The following USE1 variants were observed in gnomAD, a reference collection of about 807,000 sequenced individuals.
The protein encoded by USE1 is unconventional SNARE in the ER 1, also known as vesicle transport protein USE1.
Under a neutral mutation model 37.6 loss-of-function variants are expected in USE1, and 32 were observed. The ratio of observed to expected loss-of-function variants is 0.85; its 90% CI spans 0.64 to 1.14. USE1 has a LOEUF of 1.14. Ranked by LOEUF, USE1 falls within the 50% of genes most tolerant of loss-of-function variation. The pLI, the probability that USE1 is intolerant of heterozygous loss-of-function variation, is 0.00. For missense variants in USE1, 310 were observed against 332.2 expected, an observed-to-expected ratio of 0.93 and a Z score of 0.52; for synonymous variants, 149 against 137.6, an observed-to-expected ratio of 1.08 and a Z score of -0.58.
intron 7 of USE1, 109 bp downstream of exon 7, chr19:17,219,496 A>G (rs1183225343): frequency 4.2e-6 from 6 of 1,438,552 alleles, no homozygotes; most frequent in Non-Finnish European, 5.6e-6. Context: ...GGAGTTTCGT[A>G]GAAGGCAAAA....
At position 17,216,321 on chromosome 19, in the gene USE1, G is replaced by A. The variant is rs781274976; in HGVS notation, c.384G>A (p.Thr128=). The A allele has an allele frequency of 3.7e-6, 6 of 1,609,278 alleles. No homozygotes were observed. In the Admixed American group the frequency reaches 5.0e-5, roughly 13 times the overall value. ...TSEMRSELLG[T]DSAEPEMDVR... The stretch of plus-strand genomic sequence containing the variant: ...AGATGCGGAGTGAGCTACTAGGCAC[G>A]GTAGGGCTCCTTCCCTGGTCCCTGG... Residue 128 remains threonine (T), a splice_region_variant and synonymous_variant, in exon 4 of 8, where the codon ACG becomes ACA. Coordinates refer to ENST00000263897, the MANE Select transcript of USE1 (RefSeq NM_018467.4).
chr19:17,219,558 C>A, intron 7 of USE1, 73 bp from the exon 8 acceptor site: 1 of 1,508,234 alleles, frequency 6.6e-7, no homozygotes, highest in Non-Finnish European at 8.9e-7. Flanking sequence ...GAGGTGCAGG[C>A]CAGTCCCAGG....
chr19:17,215,379 G>T lies in USE1; in HGVS notation c.-27G>T. 1 of 1,548,192 alleles carries T rather than the reference G, an allele frequency of 6.5e-7. No homozygotes were observed. Among genetic ancestry groups the T allele is most frequent in the Non-Finnish European group, 8.7e-7 (1 of 1,147,074 alleles). On this transcript the variant is annotated 5_prime_UTR_variant, in exon 1 of 8. An upstream open reading frame in the 5' UTR gains an earlier in-frame stop. Coordinates refer to ENST00000263897, the MANE Select transcript of USE1 (RefSeq NM_018467.4). ...GCCCTCTCTTAACATGGAGCCGGCG[G>T]AAGGGGTGGTGTAGGGCCGGGCGAT...
Position 17,219,334 on chromosome 19 carries a change from A to C in USE1, c.544A>C (p.Ser182Arg), listed in dbSNP as rs1433805996. The C allele has an allele frequency of 6.3e-7, 1 of 1,596,356 alleles. No individual in the cohort carries two copies. Among genetic ancestry groups the C allele is most frequent in the East Asian group, 2.3e-5 (1 of 43,896 alleles). Reference protein sequence around the residue: ...LAEEMLGLARSLKTNTLAAQS... With the variant: ...LAEEMLGLARRLKTNTLAAQS... Reference sequence around the variant, plus strand: ...GGAAGAGATGCTAGGACTGGCCCGGAGCCTCAAGACCAATACCCTGGCCGC... The same window carrying C: ...GGAAGAGATGCTAGGACTGGCCCGGCGCCTCAAGACCAATACCCTGGCCGC... The change falls in exon 7 of 8, where the codon AGC (serine) becomes CGC (arginine). Residue 182 changes from serine to arginine, a missense_variant. Transcript: ENST00000263897.
intron 5 of USE1, 68 bp downstream of exon 5, chr19:17,217,530 C>T: frequency 1.3e-6 from 2 of 1,584,022 alleles, no homozygotes; most frequent in South Asian, 1.1e-5. Flanking sequence ...ATCCTTGCTG[C>T]CCCGGGGCCT....
chr19:17,217,366 C>A, intron 4 of USE1, 87 bp from the exon 5 acceptor site: 1 of 1,475,624 alleles, frequency 6.8e-7, no homozygotes, highest in South Asian at 1.2e-5. Context: ...GAACTTCTGA[C>A]CTCAGGTGAT....
At chr19:17,217,873 C>G in intron 5 of USE1, 1 of 356,678 alleles carries the variant, frequency 2.8e-6, no homozygotes, top group East Asian at 7.4e-5. Flanking sequence ...GATCACACCA[C>G]TGCACTCCAG....
intron 5 of USE1, chr19:17,218,114 G>T: frequency 2.0e-6 from 1 of 497,328 alleles, no homozygotes; most frequent in Non-Finnish European, 3.6e-6. Flanking sequence ...ATTTTTTAAA[G>T]CTAGGCACTC....
intron 1 of USE1, 47 bp downstream of exon 1, chr19:17,215,554 G>A: frequency 1.3e-6 from 2 of 1,541,662 alleles, no homozygotes; most frequent in Non-Finnish European, 1.7e-6. Flanking sequence ...CCCGGGGGGT[G>A]ATTCCTAGGG....
At position 17,219,388 on chromosome 19, in the gene USE1, G is replaced by C. The variant is rs1454527733; in HGVS notation, c.597+1G>C. 1 of 1,553,230 alleles carries C rather than the reference G, an allele frequency of 6.4e-7. No individual in the cohort carries two copies. Among genetic ancestry groups the C allele is most frequent in the Non-Finnish European group, 8.7e-7 (1 of 1,147,506 alleles). On this transcript the variant is annotated splice_donor_variant, in intron 7 of 7. Transcript: ENST00000263897. LOFTEE classifies it high-confidence loss of function. ...GAGTGTCATCAAGAAGGACAACCAG[G>C]TGTGGGGACTGGGGGAGCTCTCCAG...
intron 5 of USE1, 196 bp downstream of exon 5, chr19:17,217,658 C>A: frequency 1.2e-6 from 1 of 801,850 alleles, no homozygotes; most frequent in African/African-American, 1.7e-5. Context: ...CAGTGGCTCA[C>A]ACCTGTAATT....
At chr19:17,218,465 C>T (rs2145546148) in intron 6 of USE1, 74 bp downstream of exon 6, 1 of 1,586,510 alleles carries the variant, frequency 6.3e-7, no homozygotes, top group East Asian at 2.3e-5. Flanking sequence ...GTGGCCAAAC[C>T]CTGGACCACC....
In USE1 at chr19:17,219,297, G is replaced by C. The variant is rs1291042506; in HGVS notation, c.507G>C (p.Gln169His). Residue 169 changes from glutamine to histidine, a missense_variant, in exon 7 of 8, where the codon CAG becomes CAC. Gln to His is a conservative substitution (Grantham distance 24). Transcript: ENST00000263897. ...DLVLQRHQNL[Q>H]EKLAEEMLGL... is the part of the protein sequence containing the mutation. ...TCCTGCAGCGACATCAGAACCTCCA[G>C]GAAAAGCTGGCGGAAGAGATGCTAG... 1 of 1,613,188 alleles carries C rather than the reference G, an allele frequency of 6.2e-7. No homozygotes were observed. The highest frequency in any genetic ancestry group is 2.2e-5 in the East Asian group (1 of 44,854).
chr19:17,215,640 T>C lies in USE1; in HGVS notation c.102+133T>C, dbSNP rs911822273. The C allele has an allele frequency of 5.2e-6, 7 of 1,338,402 alleles. No individual in the cohort carries two copies. In the African/African-American group the frequency reaches 1.0e-4, roughly 19 times the overall value. The allele number at this position is 1,338,402 out of a possible 1,614,324, so 82.9% of individuals were successfully genotyped here. A position where few individuals can be genotyped will look rare whatever the true frequency, so the allele number is the denominator to read the frequency against. ...GCCCTTTCCGGTCAGTCCCGCCACG[T>C]CCACCTGTAGCTTCCGCCCCCGTCC... On this transcript the variant is annotated intron_variant, in intron 1 of 7. Transcript: ENST00000263897.
In USE1 at chr19:17,219,344, C is replaced by T. The variant is rs1364579636; in HGVS notation, c.554C>T (p.Thr185Ile). 7 of 1,587,212 alleles carry T rather than the reference C, an allele frequency of 4.4e-6. No individual in the cohort carries two copies. Among genetic ancestry groups the T allele is most frequent in the Admixed American group, 1.8e-5 (1 of 54,968 alleles). ...EMLGLARSLK[T>I]NTLAAQSVIK... Reference sequence around the variant, plus strand: ...CTAGGACTGGCCCGGAGCCTCAAGACCAATACCCTGGCCGCCCAGAGTGTC... The same window carrying T: ...CTAGGACTGGCCCGGAGCCTCAAGATCAATACCCTGGCCGCCCAGAGTGTC... The change falls in exon 7 of 8, where the codon ACC (threonine) becomes ATC (isoleucine). Residue 185 changes from threonine to isoleucine, a missense_variant. Coordinates refer to ENST00000263897, the MANE Select transcript of USE1 (RefSeq NM_018467.4).
In USE1 at chr19:17,215,681, TC is replaced by T. The variant is rs1362916132; in HGVS notation, c.103-116del. 63 of 370,006 alleles carry T rather than the reference TC, an allele frequency of 1.7e-4. No homozygotes were observed. In the African/African-American group the frequency reaches 3.6e-3, roughly 21 times the overall value. The allele number at this position is 370,006 out of a possible 1,614,324, so 22.9% of individuals were successfully genotyped here. A position where few individuals can be genotyped will look rare whatever the true frequency, so the allele number is the denominator to read the frequency against. ...GCCCCCGTCCCTGGGACTCCGCCCC[TC>T]CCCCACTGGCCCCGCCTCCTTTACG... On this transcript the variant is annotated intron_variant, in intron 1 of 7. Coordinates refer to ENST00000263897, the MANE Select transcript of USE1 (RefSeq NM_018467.4).
chr19:17,217,117 G>GGT (rs1396757288), intron 4 of USE1, among the ~76,000 whole-genome samples: 1 of 150,502 alleles, frequency 6.6e-6, no homozygotes, highest in East Asian at 2.0e-4. Flanking sequence ...AGACAAGGGG[G>GGT]GTGACTTCAT....
Position 17,219,188 on chromosome 19 carries a change from C to T in USE1, c.423-25C>T, listed in dbSNP as rs775376521. 10 of 1,601,254 alleles carry T rather than the reference C, an allele frequency of 6.2e-6. No homozygotes were observed. In the South Asian group the frequency reaches 1.0e-4, roughly 16 times the overall value. ...CCTTTCCCACTCCATCTCTCATGTC[C>T]TCCTCCCCCCGTGTGTGAAATCAGT... is the stretch of plus-strand genomic sequence containing the variant. On this transcript the variant is annotated intron_variant, in intron 6 of 7. Transcript: ENST00000263897.
chr19:17,219,566 A>G, intron 7 of USE1, 65 bp from the exon 8 acceptor site: 2 of 1,520,026 alleles, frequency 1.3e-6, no homozygotes, highest in African/African-American at 1.4e-5. Context: ...GGCCAGTCCC[A>G]GGGAAGTAGA....
Sources: gnomAD v4.1 joint callset for allele counts (sites outside exome capture counted in the v4.1 genomes callset) on GRCh38, gnomAD v4.1.1 for gene constraint, MANE v1.5 for transcripts, NCBI Gene and HGNC (gene_info 2026-07-23, HGNC 2026-07-21) for gene names.